BCAT1: variants seen among roughly 807,000 people sequenced by gnomAD.
BCAT1 encodes branched-chain-amino-acid aminotransferase, cytosolic.
Under a neutral mutation model 52.4 loss-of-function variants are expected in BCAT1, and 48 were observed. The observed-to-expected ratio is 0.92, with a 90% CI of 0.73 to 1.16. The LOEUF is 1.16. Ranked by LOEUF, BCAT1 falls within the 50% of genes most tolerant of loss-of-function variation. The pLI is 0.00. For missense variants in BCAT1, 451 were observed against 457.1 expected, an observed-to-expected ratio of 0.99 and a Z score of 0.12; for synonymous variants, 167 against 161.3, an observed-to-expected ratio of 1.04 and a Z score of -0.27.
At chr12:24,934,067 G>A (rs78470082) in intron 1 of BCAT1, among the ~76,000 whole-genome samples, 7 of 152,220 alleles carry the variant, frequency 4.6e-5, no homozygotes, top group East Asian at 1.9e-4. Flanking sequence ...AGTTTCTGCC[G>A]GCATTCACCC....
intron 2 of BCAT1, among the ~76,000 whole-genome samples, chr12:24,895,527 G>GAA (rs542528934): frequency 1.8e-5 from 2 of 110,536 alleles, no homozygotes; most frequent in Non-Finnish European, 1.9e-5. Context: ...CTCTGTCTCA[G>GAA]AAAAAAAAAA....
chr12:24,822,747 C>T (rs918065536), intron 10 of BCAT1, among the ~76,000 whole-genome samples: 3 of 152,124 alleles, frequency 2.0e-5, no homozygotes, highest in Non-Finnish European at 2.9e-5. Context: ...AGTTCAGAAC[C>T]ACTGTTTCCA....
At chr12:24,888,301 C>T (rs2139630066) in intron 3 of BCAT1, among the ~76,000 whole-genome samples, 1 of 152,210 alleles carries the variant, frequency 6.6e-6, no homozygotes, top group Non-Finnish European at 1.5e-5. Flanking sequence ...GAGTTTGAGA[C>T]TAGCCTGGCC....
At chr12:24,878,186 A>G (rs1363042186) in intron 5 of BCAT1, among the ~76,000 whole-genome samples, 2 of 151,640 alleles carry the variant, frequency 1.3e-5, no homozygotes, top group African/African-American at 4.8e-5. Context: ...AAAAAAAATC[A>G]TTTCCTACCT....
chr12:24,842,015 G>C, intron 7 of BCAT1, 67 bp downstream of exon 7: 1 of 1,554,704 alleles, frequency 6.4e-7, no homozygotes, highest in Non-Finnish European at 8.8e-7. Flanking sequence ...TAAGTTTCTA[G>C]CTCTTGTCTT....
intron 5 of BCAT1, among the ~76,000 whole-genome samples, chr12:24,855,727 G>A (rs1178222784): frequency 6.6e-6 from 1 of 152,210 alleles, no homozygotes; most frequent in East Asian, 1.9e-4. Flanking sequence ...GAGGAAGTCC[G>A]CCCATGGGCC....
At chr12:24,854,806 TCTC>T (rs1457501323) in intron 5 of BCAT1, among the ~76,000 whole-genome samples, 1 of 152,044 alleles carries the variant, frequency 6.6e-6, no homozygotes, top group African/African-American at 2.4e-5. Flanking sequence ...TTCTAGTTCT[TCTC>T]CTCTTAATCC....
chr12:24,905,501 A>C (rs1184135960), intron 1 of BCAT1, among the ~76,000 whole-genome samples: 1 of 152,256 alleles, frequency 6.6e-6, no homozygotes, highest in Admixed American at 6.5e-5. Flanking sequence ...AAAAACAATG[A>C]AACAATGTAA....
chr12:24,940,609 T>C (rs74417504), intron 1 of BCAT1, among the ~76,000 whole-genome samples: 123 of 152,372 alleles, frequency 8.1e-4, no homozygotes, highest in African/African-American at 2.8e-3. Flanking sequence ...TAATGTTATA[T>C]GATTTCTTTT....
intron 1 of BCAT1, among the ~76,000 whole-genome samples, chr12:24,926,108 C>T (rs552580643): frequency 1.1e-4 from 17 of 152,032 alleles, no homozygotes; most frequent in East Asian, 3.9e-4. Context: ...AAGTGAGGAG[C>T]GCCTCTTCCC....
chr12:24,913,461 T>C (rs1356572898), intron 1 of BCAT1, among the ~76,000 whole-genome samples: 1 of 152,194 alleles, frequency 6.6e-6, no homozygotes, highest in African/African-American at 2.4e-5. Context: ...TAGATGGTAG[T>C]TTGGCTGTCT....
rs914011195 is a variant in BCAT1 at position 24,815,288 on chromosome 12, G to A, written c.*2720C>T. 1.3e-5 allele frequency: 2 copies of A among 152,426 alleles called. No homozygotes were observed. Among genetic ancestry groups the A allele is most frequent in the Non-Finnish European group, 2.9e-5 (2 of 68,010 alleles). 9.4% of individuals were successfully genotyped at this position (152,426 alleles called of 1,614,324 possible). A position where few individuals can be genotyped will look rare whatever the true frequency, so the allele number is the denominator to read the frequency against. ...TATCATTTTAAGTGCCACCAGTTCT[G>A]TTTATATTAATGCACTTGTGAATTG... is the stretch of plus-strand genomic sequence containing the variant. On this transcript the variant is annotated 3_prime_UTR_variant, in exon 11 of 11. Coordinates refer to ENST00000261192, the MANE Select transcript of BCAT1 (RefSeq NM_005504.7).
intron 7 of BCAT1, among the ~76,000 whole-genome samples, chr12:24,839,418 G>C (rs1474996247): frequency 6.6e-6 from 1 of 152,216 alleles, no homozygotes; most frequent in African/African-American, 2.4e-5. Flanking sequence ...CAAAGTGACT[G>C]TGAACTCAAC....
At chr12:24,891,243 G>A (rs1009228727) in intron 3 of BCAT1, among the ~76,000 whole-genome samples, 12 of 152,224 alleles carry the variant, frequency 7.9e-5, no homozygotes, top group South Asian at 2.1e-4. Flanking sequence ...AAGTAATGCC[G>A]GAAGAGCCTT....
chr12:24,836,900 A>G (rs1220779678), intron 7 of BCAT1, among the ~76,000 whole-genome samples: 2 of 45,590 alleles, frequency 4.4e-5, no homozygotes, highest in Admixed American at 2.7e-4. Context: ...AAAGAAAGAA[A>G]AGAAAGAGAG....
At chr12:24,913,904 A>G (rs556817089) in intron 1 of BCAT1, among the ~76,000 whole-genome samples, 1 of 152,078 alleles carries the variant, frequency 6.6e-6, no homozygotes, top group Non-Finnish European at 1.5e-5. Flanking sequence ...GGTGGAAGTT[A>G]GAGTACTATT....
intron 8 of BCAT1, chr12:24,834,140 A>G (rs912963075): frequency 5.1e-6 from 5 of 980,332 alleles, no homozygotes; most frequent in Non-Finnish European, 6.1e-6. Flanking sequence ...TATATCTTTT[A>G]TGGAATAAAG....
At chr12:24,909,644 C>T (rs1013387945) in intron 1 of BCAT1, among the ~76,000 whole-genome samples, 1 of 152,176 alleles carries the variant, frequency 6.6e-6, no homozygotes, top group Non-Finnish European at 1.5e-5. Flanking sequence ...CAGCTGCCAA[C>T]ACTTCAATCT....
intron 7 of BCAT1, among the ~76,000 whole-genome samples, chr12:24,841,156 A>G (rs964021516): frequency 6.6e-6 from 1 of 152,204 alleles, no homozygotes; most frequent in Non-Finnish European, 1.5e-5. Flanking sequence ...GATATATGAA[A>G]TTGTCTTGAA....
Sources: gnomAD v4.1 joint callset for allele counts (sites outside exome capture counted in the v4.1 genomes callset) on GRCh38, gnomAD v4.1.1 for gene constraint, MANE v1.5 for transcripts, NCBI Gene and HGNC (gene_info 2026-07-23, HGNC 2026-07-21) for gene names.